The following DCAF4 variants were observed in gnomAD, a reference collection of about 807,000 sequenced individuals.
DCAF4 encodes the protein DDB1- and CUL4-associated factor 4.
A neutral mutation model predicts 60.9 loss-of-function variants in DCAF4; 37 were observed. That is an observed-to-expected ratio of 0.61 (90% CI 0.47 to 0.80). The LOEUF (loss-of-function observed/expected upper bound fraction) is 0.80, where lower values mean the gene tolerates loss of function less well. DCAF4 is among the 30% of genes least tolerant of loss of function. The probability of loss-of-function intolerance (pLI) is 0.00; values close to 1 mark genes in which losing one functional copy is unlikely to be tolerated. For missense variants in DCAF4, 577 were observed against 650.0 expected, an observed-to-expected ratio of 0.89 and a Z score of 1.22; for synonymous variants, 243 against 254.8, an observed-to-expected ratio of 0.95 and a Z score of 0.44.
Position 72,946,009 on chromosome 14 carries a change from C to G in DCAF4, c.660C>G (p.Leu220=), listed in dbSNP as rs758961199. ...PTLKVFMHEN[L]YFTNRKVNSV... is the part of the protein sequence containing the mutation. ...TCAAGGTGTTCATGCACGAAAACCT[C>G]TACTTCACCAACCGGAAGGTACGTT... The change falls in exon 7 of 14, where the codon CTC becomes CTG. Residue 220 remains leucine, a synonymous_variant. Transcript: ENST00000358377. 2 of 1,613,982 alleles carry G rather than the reference C, an allele frequency of 1.2e-6. No individual in the cohort carries two copies. Among genetic ancestry groups the G allele is most frequent in the African/African-American group, 2.7e-5 (2 of 74,914 alleles).
At chr14:72,937,416 T>C (rs969816342) in intron 1 of DCAF4, among the ~76,000 whole-genome samples, 7 of 144,354 alleles carry the variant, frequency 4.8e-5, no homozygotes, top group Non-Finnish European at 9.1e-5. Context: ...TTTTCTTTTT[T>C]TTTTTTTTTT....
Position 72,959,124 on chromosome 14 carries a change from C to T in DCAF4, c.*319C>T. 2 of 1,037,542 alleles carry T rather than the reference C, an allele frequency of 1.9e-6. No individual in the cohort carries two copies. The highest frequency in any genetic ancestry group is 2.3e-6 in the Non-Finnish European group (2 of 863,652). The allele number at this position is 1,037,542 out of a possible 1,614,324, so 64.3% of individuals were successfully genotyped here. A position where few individuals can be genotyped will look rare whatever the true frequency, so the allele number is the denominator to read the frequency against. On this transcript the variant is annotated 3_prime_UTR_variant, in exon 14 of 14. Transcript: ENST00000358377. ...GACTTTTCTAAGGACTGAAGATTGGCAAAAACGAAAAGCTTCTTCCTCCAA... is the reference window on the plus strand; with the variant it reads ...GACTTTTCTAAGGACTGAAGATTGGTAAAAACGAAAAGCTTCTTCCTCCAA...
downstream of DCAF4, chr14:72,960,801 T>C: frequency 7.5e-6 from 3 of 397,784 alleles, no homozygotes; most frequent in Non-Finnish European, 1.0e-5. Flanking sequence ...CCAGCTTTTC[T>C]TCACATACAC....
In DCAF4 at chr14:72,955,548, G is replaced by C. The variant is rs761101704; in HGVS notation, c.1031G>C (p.Arg344Pro). 2 of 1,613,996 alleles carry C rather than the reference G, an allele frequency of 1.2e-6. No homozygotes were observed. Among genetic ancestry groups the C allele is most frequent in the Non-Finnish European group, 1.7e-6 (2 of 1,179,942 alleles). The change falls in exon 12 of 14, where the codon CGC (arginine) becomes CCC (proline). Residue 344 changes from arginine (R) to proline (P), a missense_variant. Physicochemically the swap from Arg to Pro is moderately radical, Grantham distance 103. Transcript: ENST00000358377. The part of the protein sequence containing the change: ...LMAPLLFNGC[R>P]SGEIFAIDLR... ...GCTCCTCTGCTGTTTAATGGCTGCC[G>C]CTCTGGGGAAATCTTTGCCATTGAT...
In DCAF4 at chr14:72,947,150, G is replaced by A. The variant is rs376943869; in HGVS notation, c.687G>A (p.Ser229=). The A allele has an allele frequency of 2.0e-5, 32 of 1,613,962 alleles. No individual in the cohort carries two copies. The highest frequency in any genetic ancestry group is 8.8e-5 in the South Asian group (8 of 91,078). ...GTGTGCTTCCTCACCAGGTGAATTC[G>A]GTGTGCTGGGCCTCGCTGAATCACT... ...NLYFTNRKVN[S]VCWASLNHLD... is the part of the protein sequence containing the mutation. Residue 229 remains serine, a synonymous_variant, in exon 8 of 14, where the codon TCG becomes TCA. Coordinates refer to ENST00000358377, the MANE Select transcript of DCAF4 (RefSeq NM_015604.4).
chr14:72,948,804 G>C (rs1172254760), intron 8 of DCAF4, among the ~76,000 whole-genome samples: 2 of 152,150 alleles, frequency 1.3e-5, no homozygotes, highest in African/African-American at 4.8e-5. Context: ...ACTTTGTTCA[G>C]ACCTGCACTC....
intron 1 of DCAF4, among the ~76,000 whole-genome samples, chr14:72,933,658 C>T (rs867436410): frequency 2.0e-5 from 3 of 152,116 alleles, no homozygotes; most frequent in Admixed American, 6.5e-5. Flanking sequence ...ACTTTCAAAT[C>T]TGTCTCTTTA....
Position 72,939,805 on chromosome 14 carries a change from T to C in DCAF4, c.96T>C (p.Ser32=), listed in dbSNP as rs142071144. 2.2e-5 allele frequency: 35 copies of C among 1,611,064 alleles called. No individual in the cohort carries two copies. The highest frequency in any genetic ancestry group is 1.8e-4 in the Admixed American group (11 of 59,644). The change falls in exon 3 of 14, where the codon TCT becomes TCC. Residue 32 remains serine (S), a synonymous_variant. Coordinates refer to ENST00000358377, the MANE Select transcript of DCAF4 (RefSeq NM_015604.4). ...WFRLRDSEDR[S]DSRAAQPAHD... The stretch of plus-strand genomic sequence containing the variant: ...TAACACAGCTGTGTGTCAACAGGTC[T>C]GACTCCCGGGCAGCACAGCCCGCTC...
At chr14:72,928,778 G>A (rs1888072648) in intron 1 of DCAF4, among the ~76,000 whole-genome samples, 1 of 151,994 alleles carries the variant, frequency 6.6e-6, no homozygotes, top group African/African-American at 2.4e-5. Flanking sequence ...CCCAGTCTCA[G>A]AGCCCCGGTT....
At chr14:72,941,922 C>A in intron 5 of DCAF4, 98 bp downstream of exon 5, 1 of 1,327,162 alleles carries the variant, frequency 7.5e-7, no homozygotes, top group Non-Finnish European at 1.1e-6. Flanking sequence ...GACCATGTGG[C>A]TACCCCGTGA....
At position 72,944,870 on chromosome 14, in the gene DCAF4, C is replaced by T. The variant is rs548347131; in HGVS notation, c.535-1014C>T. Among the ~76,000 whole-genome samples the T allele has an allele frequency of 3.3e-5, 5 of 152,160 alleles. No homozygotes were observed. In the East Asian group the frequency reaches 9.7e-4, roughly 29 times the overall value. On this transcript the variant is annotated intron_variant, in intron 6 of 13. Transcript: ENST00000358377. ...TTGGGAGGCTGAGATGGGAGGATCA[C>T]TTGAGGTCAGGAGTTCGAGACCAGC...
intron 12 of DCAF4, among the ~76,000 whole-genome samples, chr14:72,956,094 T>C (rs1280158940): frequency 1.3e-5 from 2 of 151,962 alleles, no homozygotes; most frequent in East Asian, 3.9e-4. Context: ...GGCTAATTTT[T>C]GTATTTTTAG....
At chr14:72,936,047 A>G (rs1268353575) in intron 1 of DCAF4, among the ~76,000 whole-genome samples, 1 of 151,978 alleles carries the variant, frequency 6.6e-6, no homozygotes, top group African/African-American at 2.4e-5. Flanking sequence ...TCAGCCTCCC[A>G]AAAGTGCTGG....
intron 12 of DCAF4, 27 bp from the exon 13 acceptor site, chr14:72,956,345 CCCTGGCCCCTCCCT>C (rs2140313256): frequency 1.3e-6 from 2 of 1,518,392 alleles, no homozygotes; most frequent in South Asian, 2.6e-5. Context: ...CCATGGTACC[CCCTGGCCCCTCCCT>C]GATGGCCCCT....
At chr14:72,933,296 A>C (rs1433050190) in intron 1 of DCAF4, among the ~76,000 whole-genome samples, 1 of 152,116 alleles carries the variant, frequency 6.6e-6, no homozygotes, top group African/African-American at 2.4e-5. Context: ...TCTAATGGCC[A>C]GGTGCGGTAA....
Position 72,958,502 on chromosome 14 carries a change from C to T in DCAF4, c.1295-110C>T, listed in dbSNP as rs1163805822. 4.6e-6 allele frequency: 6 copies of T among 1,297,840 alleles called. No homozygotes were observed. In the East Asian group the frequency reaches 1.2e-4, roughly 26 times the overall value. The allele number at this position is 1,297,840 out of a possible 1,614,324, so 80.4% of individuals were successfully genotyped here. ...GTCCGTTAATGAGTTTGTGTTTTGGCTCACATGAAATCACAGCCCTGAGGA... is the reference window on the plus strand; with the variant it reads ...GTCCGTTAATGAGTTTGTGTTTTGGTTCACATGAAATCACAGCCCTGAGGA... On this transcript the variant is annotated intron_variant, in intron 13 of 13. Transcript: ENST00000358377.
chr14:72,955,300 G>A (rs950002376), intron 11 of DCAF4, among the ~76,000 whole-genome samples: 22 of 152,146 alleles, frequency 1.4e-4, no homozygotes, highest in African/African-American at 4.6e-4. Flanking sequence ...TAGGACCTCC[G>A]TGCTACCCAT....
At chr14:72,949,282 C>A (rs540084877) in intron 8 of DCAF4, among the ~76,000 whole-genome samples, 1 of 151,868 alleles carries the variant, frequency 6.6e-6, no homozygotes, top group South Asian at 2.1e-4. Context: ...GACCTCTCTA[C>A]AAAAAAAATA....
At chr14:72,934,156 C>CTT (rs72429674) in intron 1 of DCAF4, among the ~76,000 whole-genome samples, 17,824 of 136,192 alleles carry the variant, frequency 0.13, 1,422 homozygotes, top group African/African-American at 0.2. Flanking sequence ...GTGGCATTTT[C>CTT]TTTTTTTTTT....
Sources: gnomAD v4.1 joint callset for allele counts (sites outside exome capture counted in the v4.1 genomes callset) on GRCh38, gnomAD v4.1.1 for gene constraint, MANE v1.5 for transcripts, NCBI Gene and HGNC (gene_info 2026-07-23, HGNC 2026-07-21) for gene names.